The following G6PD variants were observed in gnomAD, a reference collection of about 807,000 sequenced individuals.
G6PD encodes glucose-6-phosphate dehydrogenase, also known as glucose-6-phosphate 1-dehydrogenase.
In G6PD, 2 loss-of-function variants were observed where a neutral mutation model predicts 38.2. That is an observed-to-expected ratio of 0.05 (90% CI 0.02 to 0.16). The LOEUF (loss-of-function observed/expected upper bound fraction) is 0.16. Among genes scored for constraint, G6PD ranks in the 10% least tolerant of loss-of-function variants. The pLI, the probability that G6PD is intolerant of heterozygous loss-of-function variation, is 1.00. For synonymous variants in G6PD, 188 were observed against 196.0 expected, an observed-to-expected ratio of 0.96 and a Z score of 0.34; for missense variants, 310 against 471.6, an observed-to-expected ratio of 0.66 and a Z score of 3.17.
rs375402501 is a variant in G6PD at position 154,532,129 on chromosome X, C to G, written c.1458-39G>C. Reference sequence around the variant, plus strand: ...GGTGGAGGAGAGGCATGAGGTAGCTCCACCCTCACCCCGCCCCTGCCCGCT... The same window carrying G: ...GGTGGAGGAGAGGCATGAGGTAGCTGCACCCTCACCCCGCCCCTGCCCGCT... On this transcript the variant is annotated intron_variant, in intron 12 of 12. Coordinates refer to ENST00000393562, the MANE Select transcript of G6PD (RefSeq NM_001360016.2). 4 of 1,196,025 alleles carry G rather than the reference C, an allele frequency of 3.3e-6. No homozygotes were observed. The African/African-American group carries it at 7.0e-5, about 21-fold the overall frequency.
intron 9 of G6PD, 53 bp downstream of exon 9, chrX:154,532,889 G>T: frequency 8.3e-7 from 1 of 1,201,523 alleles, no homozygotes; most frequent in African/African-American, 1.7e-5. Context: ...TCCAGTGCCC[G>T]CACACAGGGC....
chrX:154,534,478 G>C lies in G6PD; in HGVS notation c.504C>G (p.Ile168Met). 8.3e-7 allele frequency: 1 copy of C among 1,211,750 alleles called. No homozygotes were observed. Among genetic ancestry groups the C allele is most frequent in the Non-Finnish European group, 1.1e-6 (1 of 895,504 alleles). ...GGTCCCTCCCGAAGGGCTTCTCCAC[G>C]ATGATGCGGTTCCAGCCTCTGCTGG... is the stretch of plus-strand genomic sequence containing the variant. ...CMSQIGWNRI[I>M]VEKPFGRDLQ... The change falls in exon 6 of 13, where the codon ATC becomes ATG. Residue 168 changes from isoleucine (I) to methionine (M), a missense_variant. Physicochemically the swap from Ile to Met is conservative, Grantham distance 10 (BLOSUM62 1). Transcript: ENST00000393562.
At position 154,535,247 on chromosome X, in the gene G6PD, G is replaced by A. The variant is rs979416826; in HGVS notation, c.406C>T (p.Arg136Cys). 13 of 1,212,022 alleles carry A rather than the reference G, an allele frequency of 1.1e-5. No individual in the cohort carries two copies. The highest frequency in any genetic ancestry group is 6.5e-5 in the Admixed American group (3 of 46,089). Residue 136 changes from arginine to cysteine, a missense_variant, in exon 5 of 13, where the codon CGC becomes TGC. Coordinates refer to ENST00000393562, the MANE Select transcript of G6PD (RefSeq NM_001360016.2). ...GGGGGCAAGGCCAGGTAGAAGAGGC[G>A]GTTGGCCTGTGACCCCAGGTGGAGG... ...NALHLGSQAN[R>C]LFYLALPPTV...
chrX:154,543,077 A>C (rs1333772027), intron 2 of G6PD, among the ~76,000 whole-genome samples: 1 of 112,088 alleles, frequency 8.9e-6, no homozygotes, highest in Non-Finnish European at 1.9e-5. Context: ...GCGTGGAAGA[A>C]GCCTGGGAGC....
At position 154,535,369 on chromosome X, in the gene G6PD, T is replaced by C; in HGVS notation, c.284A>G (p.Lys95Arg). 1 of 1,211,037 alleles carries C rather than the reference T, an allele frequency of 8.3e-7. No individual in the cohort carries two copies. Among genetic ancestry groups the C allele is most frequent in the Non-Finnish European group, 1.1e-6 (1 of 894,920 alleles). ...EPFFKATPEE[K>R]LKLEDFFARN... ...GGCAAAGAAGTCCTCCAGCTTGAGC[T>C]TCTCCTCTGGGGTGGCCTGGGAGAC... The change falls in exon 5 of 13, where the codon AAG becomes AGG. Residue 95 changes from lysine (K) to arginine (R), a missense_variant. Transcript: ENST00000393562.
chrX:154,534,232 C>G, intron 6 of G6PD, 72 bp from the exon 7 acceptor site: 1 of 1,205,821 alleles, frequency 8.3e-7, no homozygotes, highest in Non-Finnish European at 1.1e-6. Flanking sequence ...TGAGGGGTCA[C>G]CCTTGTCTGA....
At chrX:154,542,021 C>G (rs2070521456) in intron 2 of G6PD, among the ~76,000 whole-genome samples, 1 of 112,051 alleles carries the variant, frequency 8.9e-6, no homozygotes, top group South Asian at 3.7e-4. Context: ...GCCAGAGAAC[C>G]TGGGGGCTGC....
In G6PD at chrX:154,531,901, T is replaced by C. The variant is rs1347285935; in HGVS notation, c.*99A>G. ...GGTGGCCAGAGCCCGGGGCCAGGAA[T>C]GTGCAGCTGAGGTCAATGGTCCCGG... On this transcript the variant is annotated 3_prime_UTR_variant, in exon 13 of 13. Coordinates refer to ENST00000393562, the MANE Select transcript of G6PD (RefSeq NM_001360016.2). 11 of 1,127,146 alleles carry C rather than the reference T, an allele frequency of 9.8e-6. No individual in the cohort carries two copies. The East Asian group carries it at 2.7e-4, about 27-fold the overall frequency. 92.9% of individuals were successfully genotyped at this position (1,127,146 alleles called of 1,213,427 possible).
chrX:154,546,868 C>T (rs1557233595), upstream of G6PD: 3 of 1,100,632 alleles, frequency 2.7e-6, no homozygotes, highest in South Asian at 2.1e-5. Context: ...CCCGCCGGCC[C>T]ATTTAATCGG....
chrX:154,545,856 AGT>A, intron 2 of G6PD, 178 bp downstream of exon 2: 2 of 460,805 alleles, frequency 4.3e-6, no homozygotes, highest in Non-Finnish European at 7.2e-6. Context: ...AAAAAAAAAA[AGT>A]CTTGCAAGTG....
At chrX:154,542,265 T>C in intron 2 of G6PD, 4 of 1,126,290 alleles carry the variant, frequency 3.6e-6, no homozygotes, top group Non-Finnish European at 3.6e-6. Flanking sequence ...ATCAAGCCCA[T>C]GGCCCTTGTG....
At position 154,546,083 on chromosome X, in the gene G6PD, C is replaced by T. The variant is rs782195369; in HGVS notation, c.73G>A (p.Ala25Thr). Residue 25 changes from alanine to threonine, a missense_variant, in exon 2 of 13, where the codon GCC becomes ACC. This residue lies in a region of G6PD where 29 missense variants were observed against 28.2 expected (regional missense o/e 1.03). Coordinates refer to ENST00000393562, the MANE Select transcript of G6PD (RefSeq NM_001360016.2). ...ATGTGTGTATCCGACTGATGGAAGG[C>T]ATCGCCCTGGAAAAGCTCTTCCCGC... ...ILREELFQGDAFHQSDTHIFI... is the reference protein window; with the variant it reads ...ILREELFQGDTFHQSDTHIFI... The T allele has an allele frequency of 5.0e-6, 6 of 1,211,773 alleles. No individual in the cohort carries two copies. Among genetic ancestry groups the T allele is most frequent in the Non-Finnish European group, 6.7e-6 (6 of 895,408 alleles).
chrX:154,537,139 A>G (rs1348701631), intron 2 of G6PD, among the ~76,000 whole-genome samples: 2 of 110,793 alleles, frequency 1.8e-5, no homozygotes, highest in Non-Finnish European at 1.9e-5. Context: ...CCCCGCCTCT[A>G]CCAAAAATAC....
chrX:154,544,225 G>A (rs928922855), intron 2 of G6PD, among the ~76,000 whole-genome samples: 2 of 107,277 alleles, frequency 1.9e-5, no homozygotes, highest in African/African-American at 3.4e-5. Context: ...GCAGTGGCGC[G>A]ATCTCAGCTC....
At chrX:154,543,324 T>C (rs2070579758) in intron 2 of G6PD, among the ~76,000 whole-genome samples, 1 of 112,548 alleles carries the variant, frequency 8.9e-6, no homozygotes, top group Admixed American at 9.4e-5. Flanking sequence ...AACCCGAAGC[T>C]GGCCACAGGC....
chrX:154,543,499 G>A (rs1603413807), intron 2 of G6PD, among the ~76,000 whole-genome samples: 2 of 112,057 alleles, frequency 1.8e-5, no homozygotes, highest in Non-Finnish European at 3.8e-5. Flanking sequence ...TGTCTAATAA[G>A]AGCTGAAGGC....
At chrX:154,538,538 T>C (rs998999411) in intron 2 of G6PD, among the ~76,000 whole-genome samples, 1 of 112,099 alleles carries the variant, frequency 8.9e-6, no homozygotes, top group Non-Finnish European at 1.9e-5. Context: ...CCAACAGATG[T>C]AGATCAAGTG....
chrX:154,533,909 TCAGA>T, intron 7 of G6PD, 122 bp downstream of exon 7: 1 of 1,202,805 alleles, frequency 8.3e-7, no homozygotes, highest in African/African-American at 1.7e-5. Context: ...GTCTGATAGC[TCAGA>T]CACTTAGGTT....
chrX:154,533,756 T>C (rs782703243), intron 7 of G6PD, 87 bp from the exon 8 acceptor site: 2 of 1,189,495 alleles, frequency 1.7e-6, no homozygotes, highest in African/African-American at 3.5e-5. Context: ...CAAGGCTTCC[T>C]AGTGACAAGC....
Sources: allele counts gnomAD v4.1 joint callset (sites outside exome capture counted in the v4.1 genomes callset), GRCh38; gene constraint gnomAD v4.1.1; regional missense constraint gnomAD v4.1.1; transcripts MANE v1.5; gene names NCBI Gene and HGNC (gene_info 2026-07-23, HGNC 2026-07-21).